SH3RF1: variants seen among roughly 807,000 people sequenced by gnomAD.
The protein encoded by SH3RF1 is SH3 domain containing ring finger 1.
SH3RF1 carries 32 observed loss-of-function variants against 74.0 expected under a neutral mutation model. That is an observed-to-expected ratio of 0.43 (90% CI 0.33 to 0.58). The LOEUF (loss-of-function observed/expected upper bound fraction) is 0.58. Ranked by LOEUF, SH3RF1 falls within the 20% of genes least tolerant of loss-of-function variation. The pLI, the probability that SH3RF1 is intolerant of heterozygous loss-of-function variation, is 0.05. For missense variants in SH3RF1, 954 were observed against 1,130.9 expected (o/e 0.84, Z 2.24); for synonymous variants, 396 against 439.6 (o/e 0.90, Z 1.24).
At chr4:169,204,227 T>C (rs1279312722) in intron 2 of SH3RF1, 1 of 152,204 alleles carries the variant, frequency 6.6e-6, no homozygotes, top group Non-Finnish European at 1.5e-5. Context: ...GTTCCTCAGG[T>C]GCTTCCCAAA....
In SH3RF1 at chr4:169,120,944, T is replaced by C; in HGVS notation, c.1392A>G (p.Leu464=). ...AAAACATCTCCCCTTTTCTCAGCTC[T>C]AGTTCATCCTCTTTCCGAGGAGTGT... The part of the protein sequence containing the change: ...YPYTPRKEDE[L]ELRKGEMFLV... The change falls in exon 8 of 12, where the codon CTA becomes CTG. Residue 464 remains leucine (L), a synonymous_variant. Coordinates refer to ENST00000284637, the MANE Select transcript of SH3RF1 (RefSeq NM_020870.4). 1 of 1,614,152 alleles carries C rather than the reference T, an allele frequency of 6.2e-7. No individual in the cohort carries two copies. The highest frequency in any genetic ancestry group is 8.5e-7 in the Non-Finnish European group (1 of 1,179,978).
intron 2 of SH3RF1, among the ~76,000 whole-genome samples, chr4:169,238,635 T>TTGCCTCCTTGAATCTGGCACC (rs1398001461): frequency 2.6e-5 from 4 of 152,224 alleles, no homozygotes; most frequent in Non-Finnish European, 5.9e-5. Context: ...GAGTGAGTCA[T>TTGCCTCCTTGAATCTGGCACC]TGCCTCCTTG....
chr4:169,120,615 A>C (rs938049095), intron 8 of SH3RF1, among the ~76,000 whole-genome samples: 1 of 152,212 alleles, frequency 6.6e-6, no homozygotes, highest in Admixed American at 6.5e-5. Flanking sequence ...GTAGAAACCT[A>C]TAATTTCACA....
At chr4:169,253,186 G>A (rs964435488) in intron 2 of SH3RF1, among the ~76,000 whole-genome samples, 4 of 152,168 alleles carry the variant, frequency 2.6e-5, no homozygotes, top group African/African-American at 9.7e-5. Context: ...AGCATACCTA[G>A]AAACCACAGC....
intron 2 of SH3RF1, among the ~76,000 whole-genome samples, chr4:169,169,893 T>C (rs1336803063): frequency 6.6e-6 from 1 of 152,090 alleles, no homozygotes; most frequent in African/African-American, 2.4e-5. Context: ...TAAAAATACT[T>C]TGTAAATATT....
At chr4:169,215,925 C>G (rs1579143161) in intron 2 of SH3RF1, among the ~76,000 whole-genome samples, 1 of 151,998 alleles carries the variant, frequency 6.6e-6, no homozygotes, top group South Asian at 2.1e-4. Context: ...TGCCTCAACC[C>G]CCCAAGCGGC....
intron 2 of SH3RF1, among the ~76,000 whole-genome samples, chr4:169,185,961 A>C (rs72706485): frequency 0.053 from 8,109 of 152,244 alleles, 300 homozygotes; most frequent in South Asian, 0.19. Flanking sequence ...ACCTTCACCC[A>C]TACACTCTCC....
At chr4:169,158,475 T>C (rs1209122912) in intron 2 of SH3RF1, among the ~76,000 whole-genome samples, 3 of 152,274 alleles carry the variant, frequency 2.0e-5, no homozygotes, top group Non-Finnish European at 1.5e-5. Context: ...TTATTGAGGG[T>C]CTTGTATAAC....
At chr4:169,192,830 C>G (rs1373759042) in intron 2 of SH3RF1, among the ~76,000 whole-genome samples, 6 of 145,392 alleles carry the variant, frequency 4.1e-5, no homozygotes, top group South Asian at 2.1e-4. Context: ...ATATATATAT[C>G]ATATAGATGT....
intron 2 of SH3RF1, among the ~76,000 whole-genome samples, chr4:169,263,557 CCTAA>C (rs1731312043): frequency 1.3e-5 from 2 of 152,192 alleles, no homozygotes; most frequent in Admixed American, 6.5e-5. Flanking sequence ...ACTCAGTTGT[CCTAA>C]CTTTCTCCCA....
intron 2 of SH3RF1, among the ~76,000 whole-genome samples, chr4:169,257,552 T>G (rs1156724255): frequency 6.6e-6 from 1 of 152,190 alleles, no homozygotes; most frequent in Non-Finnish European, 1.5e-5. Flanking sequence ...AGCAGCTCAG[T>G]TACCTGCCTC....
At chr4:169,205,115 T>C (rs1438953977) in intron 2 of SH3RF1, among the ~76,000 whole-genome samples, 1 of 152,232 alleles carries the variant, frequency 6.6e-6, no homozygotes, top group East Asian at 1.9e-4. Context: ...ATAGCTTCAT[T>C]AAATGAACTA....
At chr4:169,163,621 T>C (rs532244607) in intron 2 of SH3RF1, among the ~76,000 whole-genome samples, 2 of 152,302 alleles carry the variant, frequency 1.3e-5, no homozygotes, top group African/African-American at 4.8e-5. Flanking sequence ...CTGGAGACAG[T>C]TCCCAATTAC....
At chr4:169,245,327 T>C (rs988871222) in intron 2 of SH3RF1, among the ~76,000 whole-genome samples, 3 of 152,184 alleles carry the variant, frequency 2.0e-5, no homozygotes, top group African/African-American at 7.2e-5. Flanking sequence ...AGCCTATATC[T>C]ATGGAGAAAA....
At position 169,122,117 on chromosome 4, in the gene SH3RF1, C is replaced by A. The variant is rs148721890; in HGVS notation, c.1329G>T (p.Pro443=). ...GSTDQIAHLR[P]QTRPSVYVAI... ...TCACTTACACACTGGGGCGAGTCTG[C>A]GGCCGTAAATGTGCAATCTGGTCAG... is the stretch of plus-strand genomic sequence containing the variant. Residue 443 remains proline (P), a synonymous_variant, in exon 7 of 12, where the codon CCG becomes CCT. Coordinates refer to ENST00000284637, the MANE Select transcript of SH3RF1 (RefSeq NM_020870.4). 41 of 1,612,420 alleles carry A rather than the reference C, an allele frequency of 2.5e-5. No homozygotes were observed. Among genetic ancestry groups the A allele is most frequent in the Admixed American group, 3.3e-5 (2 of 59,996 alleles).
chr4:169,122,405 C>A, intron 6 of SH3RF1, 139 bp from the exon 7 acceptor site: 1 of 964,794 alleles, frequency 1.0e-6, no homozygotes, highest in Non-Finnish European at 1.5e-6. Context: ...AGGGCAGAAT[C>A]AGCAGGCTAA....
At chr4:169,209,064 T>C (rs1286928834) in intron 2 of SH3RF1, among the ~76,000 whole-genome samples, 1 of 151,840 alleles carries the variant, frequency 6.6e-6, no homozygotes, top group Non-Finnish European at 1.5e-5. Flanking sequence ...CTGAGGAAGG[T>C]GATCACTTGA....
intron 2 of SH3RF1, among the ~76,000 whole-genome samples, chr4:169,188,572 T>C (rs1734649766): frequency 6.6e-6 from 1 of 152,214 alleles, no homozygotes; most frequent in Non-Finnish European, 1.5e-5. Flanking sequence ...TCCCCTTATT[T>C]ACAGTATAAA....
At chr4:169,216,184 T>C (rs1368408939) in intron 2 of SH3RF1, among the ~76,000 whole-genome samples, 2 of 152,148 alleles carry the variant, frequency 1.3e-5, no homozygotes, top group Non-Finnish European at 2.9e-5. Flanking sequence ...AATATTACTA[T>C]TGAATCTTTA....
Sources: gnomAD v4.1 joint callset for allele counts (sites outside exome capture counted in the v4.1 genomes callset) on GRCh38, gnomAD v4.1.1 for gene constraint, MANE v1.5 for transcripts, NCBI Gene and HGNC (gene_info 2026-07-23, HGNC 2026-07-21) for gene names.